RPTOR: variants seen among roughly 807,000 people sequenced by gnomAD.
RPTOR encodes regulatory associated protein of MTOR complex 1, also known as regulatory-associated protein of mTOR.
In RPTOR, 21 loss-of-function variants were observed where a neutral mutation model predicts 169.9. The observed-to-expected ratio is 0.12, with a 90% confidence interval of 0.09 to 0.18. The LOEUF (loss-of-function observed/expected upper bound fraction) is 0.18, where lower values mean the gene tolerates loss of function less well. Ranked by LOEUF, RPTOR falls within the 10% of genes least tolerant of loss-of-function variation. The pLI is 1.00. For missense variants in RPTOR, 1,133 were observed against 1,855.9 expected (o/e 0.61, Z 7.16); for synonymous variants, 732 against 753.2 (o/e 0.97, Z 0.46).
chr17:80,750,519 A>G (rs114380515), intron 5 of RPTOR, among the ~76,000 whole-genome samples: 2,955 of 152,208 alleles, frequency 0.019, 106 homozygotes, highest in African/African-American at 0.068. Flanking sequence ...AGGAGTCAGC[A>G]CTTCCTCATA....
intron 6 of RPTOR, among the ~76,000 whole-genome samples, chr17:80,756,652 A>G (rs141179552): frequency 1.1e-4 from 17 of 152,336 alleles, no homozygotes; most frequent in African/African-American, 3.1e-4. Flanking sequence ...CATAGTACCC[A>G]GTTTAGCTTC....
intron 21 of RPTOR, among the ~76,000 whole-genome samples, chr17:80,921,633 G>A (rs2068746168): frequency 2.6e-5 from 4 of 152,218 alleles, no homozygotes; most frequent in Admixed American, 2.6e-4. Context: ...GCTCAAGCTG[G>A]TACAAATCTT....
chr17:80,765,071 A>C (rs1383154568), intron 6 of RPTOR, among the ~76,000 whole-genome samples: 1 of 152,246 alleles, frequency 6.6e-6, no homozygotes, highest in African/African-American at 2.4e-5. Flanking sequence ...TTAAAGAGCC[A>C]GGGGAAAAAT....
chr17:80,910,557 C>T (rs910870407), intron 21 of RPTOR, among the ~76,000 whole-genome samples: 3 of 152,158 alleles, frequency 2.0e-5, no homozygotes, highest in African/African-American at 7.2e-5. Context: ...ATGGCGTTGC[C>T]TCGGGTATCA....
intron 3 of RPTOR, among the ~76,000 whole-genome samples, chr17:80,685,501 TG>T (rs1459343053): frequency 6.7e-6 from 1 of 148,862 alleles, no homozygotes; most frequent in East Asian, 2.0e-4. Context: ...CTTGAACTCC[TG>T]GGGTCAAGTG....
chr17:80,689,959 A>T (rs1457830685), intron 3 of RPTOR, among the ~76,000 whole-genome samples: 1 of 152,222 alleles, frequency 6.6e-6, no homozygotes, highest in Non-Finnish European at 1.5e-5. Context: ...ATGCAAGCAG[A>T]TTCTAATTAA....
chr17:80,725,727 A>G (rs527273706), intron 4 of RPTOR, among the ~76,000 whole-genome samples: 1 of 152,290 alleles, frequency 6.6e-6, no homozygotes, highest in South Asian at 2.1e-4. Flanking sequence ...TGAGATGGGA[A>G]ATGAGGTCTG....
At chr17:80,898,430 A>C (rs2068433082) in intron 20 of RPTOR, among the ~76,000 whole-genome samples, 1 of 151,942 alleles carries the variant, frequency 6.6e-6, no homozygotes, top group Non-Finnish European at 1.5e-5. Context: ...TCAAGTTCTA[A>C]CTTTTAGGCT....
At chr17:80,700,688 G>GTGA (rs2066085808) in intron 3 of RPTOR, among the ~76,000 whole-genome samples, 2 of 96,630 alleles carry the variant, frequency 2.1e-5, no homozygotes, top group East Asian at 3.3e-4. Context: ...GGAGGTGGTG[G>GTGA]TGATGGTGAT....
At chr17:80,557,576 T>C (rs1340048980) in intron 1 of RPTOR, among the ~76,000 whole-genome samples, 1 of 152,080 alleles carries the variant, frequency 6.6e-6, no homozygotes, top group Non-Finnish European at 1.5e-5. Context: ...ATTTTGGTCA[T>C]CTACAATACT....
intron 1 of RPTOR, among the ~76,000 whole-genome samples, chr17:80,585,926 A>G (rs12600592): frequency 0.29 from 44,707 of 151,762 alleles, 6,698 homozygotes; most frequent in Middle Eastern, 0.37. Flanking sequence ...ATTTAGGTAT[A>G]TACACTCTCT....
intron 3 of RPTOR, among the ~76,000 whole-genome samples, chr17:80,647,572 C>T (rs2065606050): frequency 6.6e-6 from 1 of 150,550 alleles, no homozygotes. Context: ...AGAGGCCACA[C>T]CTCTTTACTT....
chr17:80,717,839 C>T (rs1182423002), intron 4 of RPTOR, among the ~76,000 whole-genome samples: 1 of 152,200 alleles, frequency 6.6e-6, no homozygotes, highest in Non-Finnish European at 1.5e-5. Flanking sequence ...CCCCATGCAC[C>T]GCCCTCCCTT....
At chr17:80,808,359 T>A (rs1182768359) in intron 7 of RPTOR, among the ~76,000 whole-genome samples, 1 of 152,138 alleles carries the variant, frequency 6.6e-6, no homozygotes, top group Non-Finnish European at 1.5e-5. Flanking sequence ...CCAGTGGTTG[T>A]GGCTGCAGTG....
At chr17:80,864,920 C>T (rs2067969727) in intron 13 of RPTOR, among the ~76,000 whole-genome samples, 1 of 152,212 alleles carries the variant, frequency 6.6e-6, no homozygotes, top group African/African-American at 2.4e-5. Flanking sequence ...CTCACACTCC[C>T]TGGCTCAAGC....
Position 80,545,344 on chromosome 17 carries a change from A to G in RPTOR, c.-286A>G. On this transcript the variant is annotated 5_prime_UTR_variant, in exon 1 of 34. Transcript: ENST00000306801. Reference sequence around the variant, plus strand: ...CCTCGCAGCCCCTCTGGAAACGTACAGCCTCAGGAGCAGCCAGTGGCTTGG... The same window carrying G: ...CCTCGCAGCCCCTCTGGAAACGTACGGCCTCAGGAGCAGCCAGTGGCTTGG... 1 of 306,034 alleles carries G rather than the reference A, an allele frequency of 3.3e-6. No individual in the cohort carries two copies. The highest frequency in any genetic ancestry group is 6.0e-6 in the Non-Finnish European group (1 of 165,444). 19.0% of individuals were successfully genotyped at this position (306,034 alleles called of 1,614,324 possible). A position where few individuals can be genotyped will look rare whatever the true frequency, so the allele number is the denominator to read the frequency against.
At chr17:80,648,417 A>C (rs8079156) in intron 3 of RPTOR, among the ~76,000 whole-genome samples, 2 of 151,582 alleles carry the variant, frequency 1.3e-5, no homozygotes, top group Admixed American at 1.3e-4. Context: ...GAATCCAGGC[A>C]TCTTCTCCTT....
intron 5 of RPTOR, among the ~76,000 whole-genome samples, chr17:80,750,051 C>T (rs1259019548): frequency 1.3e-5 from 2 of 151,688 alleles, no homozygotes; most frequent in African/African-American, 4.9e-5. Flanking sequence ...GGGGTCTTTC[C>T]ATCTTGCCCA....
intron 2 of RPTOR, among the ~76,000 whole-genome samples, chr17:80,632,653 A>G (rs548957510): frequency 9.1e-4 from 139 of 152,284 alleles, no homozygotes; most frequent in African/African-American, 3.3e-3. Context: ...GAAAAATTTT[A>G]TTTGGCCTTT....
Sources: allele counts gnomAD v4.1 joint callset (sites outside exome capture counted in the v4.1 genomes callset), GRCh38; gene constraint gnomAD v4.1.1; transcripts MANE v1.5; gene names NCBI Gene and HGNC (gene_info 2026-07-23, HGNC 2026-07-21).